Variants in RCAN2 observed in about 807,000 individuals in gnomAD.
The protein encoded by RCAN2 is regulator of calcineurin 2, also known as calcipressin-2.
RCAN2 carries 9 observed loss-of-function variants against 23.6 expected under a neutral mutation model. That is an observed-to-expected ratio of 0.38 (90% CI 0.23 to 0.67). RCAN2 has a LOEUF of 0.67. RCAN2 is among the 30% of genes least tolerant of loss of function. The probability of loss-of-function intolerance (pLI) is 0.51; values close to 1 mark genes in which losing one functional copy is unlikely to be tolerated. For missense variants in RCAN2, 273 were observed against 302.3 expected (o/e 0.90, Z 0.72); for synonymous variants, 109 against 115.7 (o/e 0.94, Z 0.37).
chr6:46,484,809 A>C (rs1317566193), intron 1 of RCAN2, among the ~76,000 whole-genome samples: 1 of 152,190 alleles, frequency 6.6e-6, no homozygotes, highest in Non-Finnish European at 1.5e-5. Context: ...ACTCATCTTC[A>C]ACTCCCTAAA....
chr6:46,465,056 C>T (rs969368275), intron 1 of RCAN2, among the ~76,000 whole-genome samples: 1 of 152,054 alleles, frequency 6.6e-6, no homozygotes, highest in African/African-American at 2.4e-5. Flanking sequence ...GGGAGGAAGA[C>T]CCTCAAATTT....
At chr6:46,315,901 A>AGTTTGGAAGAGACAAGAAAAGAG (rs57586985) in intron 2 of RCAN2, among the ~76,000 whole-genome samples, 1 of 149,834 alleles carries the variant, frequency 6.7e-6, no homozygotes, top group African/African-American at 2.5e-5. Context: ...GGTTTGGAAG[A>AGTTTGGAAGAGACAAGAAAAGAG]GTTTGGAAGA....
At chr6:46,374,264 C>T (rs1437528691) in intron 2 of RCAN2, among the ~76,000 whole-genome samples, 2 of 152,216 alleles carry the variant, frequency 1.3e-5, no homozygotes, top group Admixed American at 1.3e-4. Flanking sequence ...AGAATACTTT[C>T]TCCTGGCTTT....
chr6:46,441,043 C>T (rs536838654), intron 2 of RCAN2, among the ~76,000 whole-genome samples: 1 of 152,264 alleles, frequency 6.6e-6, no homozygotes, highest in Non-Finnish European at 1.5e-5. Context: ...TAGAAAAACA[C>T]CTGGTTATTA....
chr6:46,353,324 A>T (rs190394187), intron 2 of RCAN2, among the ~76,000 whole-genome samples: 64 of 152,252 alleles, frequency 4.2e-4, no homozygotes, highest in African/African-American at 1.4e-3. Context: ...CTGAAAACCC[A>T]GGGACAATGG....
chr6:46,267,369 C>T (rs4714911), intron 2 of RCAN2, among the ~76,000 whole-genome samples: 119,175 of 152,158 alleles, frequency 0.78, 47,002 homozygotes, highest in Non-Finnish European at 0.83. Context: ...GTAACTTTAC[C>T]TAAGTTTATC....
chr6:46,444,143 G>T (rs1389114173), intron 2 of RCAN2, among the ~76,000 whole-genome samples: 1 of 152,170 alleles, frequency 6.6e-6, no homozygotes, highest in Non-Finnish European at 1.5e-5. Flanking sequence ...TGGAGAAAAG[G>T]AAAATATGTC....
intron 2 of RCAN2, among the ~76,000 whole-genome samples, chr6:46,259,169 G>A (rs779512566): frequency 3.3e-5 from 5 of 152,114 alleles, no homozygotes; most frequent in African/African-American, 4.8e-5. Context: ...CTGGGTGACC[G>A]AGTGAGACCC....
chr6:46,307,539 T>C (rs964038938), intron 2 of RCAN2, among the ~76,000 whole-genome samples: 1 of 152,140 alleles, frequency 6.6e-6, no homozygotes, highest in Admixed American at 6.6e-5. Flanking sequence ...TGCTTTATTG[T>C]TGTCATTTAT....
intron 2 of RCAN2, among the ~76,000 whole-genome samples, chr6:46,280,076 C>T (rs1234910341): frequency 6.6e-6 from 1 of 152,102 alleles, no homozygotes; most frequent in East Asian, 1.9e-4. Flanking sequence ...GAATCCATGC[C>T]TTAGTACTCC....
chr6:46,405,541 A>G (rs2150405153), intron 2 of RCAN2, among the ~76,000 whole-genome samples: 1 of 152,320 alleles, frequency 6.6e-6, no homozygotes, highest in Admixed American at 6.5e-5. Flanking sequence ...TTCAACACAC[A>G]GGTTCTCCAA....
At chr6:46,438,347 G>A (rs1410381120) in intron 2 of RCAN2, 2 of 152,180 alleles carry the variant, frequency 1.3e-5, no homozygotes, top group African/African-American at 4.8e-5. Flanking sequence ...GGACTCAATA[G>A]GGCCACAAGG....
At chr6:46,267,748 G>A (rs1294968996) in intron 2 of RCAN2, among the ~76,000 whole-genome samples, 1 of 152,054 alleles carries the variant, frequency 6.6e-6, no homozygotes, top group Non-Finnish European at 1.5e-5. Context: ...TTTAAAACAA[G>A]AAATATTCAT....
rs575494936 is a variant in RCAN2, at chr6:46,310,981, G to C, written c.226-62085C>G. On this transcript the variant is annotated intron_variant, in intron 2 of 4. Coordinates refer to ENST00000371374, the MANE Select transcript of RCAN2 (RefSeq NM_001251974.2). ...AAGGTATTTTCAATATCAAAATTTA[G>C]AGAAGAGGCAATAATAACAATAACA... Among the ~76,000 whole-genome samples the C allele has an allele frequency of 1.1e-4, 16 of 152,260 alleles. No homozygotes were observed. In the South Asian group the frequency reaches 3.3e-3, roughly 32 times the overall value.
intron 2 of RCAN2, among the ~76,000 whole-genome samples, chr6:46,376,706 A>C (rs572841371): frequency 7.5e-4 from 74 of 98,804 alleles, no homozygotes; most frequent in African/African-American, 3.6e-3. Context: ...AAAAAACCAA[A>C]CAAACAAACA....
chr6:46,466,673 TA>T (rs1582225692), intron 1 of RCAN2, among the ~76,000 whole-genome samples: 3 of 151,998 alleles, frequency 2.0e-5, no homozygotes, highest in Non-Finnish European at 4.4e-5. Context: ...TCAAATTAAA[TA>T]AAAAACTCTT....
intron 2 of RCAN2, among the ~76,000 whole-genome samples, chr6:46,348,799 G>A (rs967618933): frequency 3.3e-5 from 5 of 152,180 alleles, no homozygotes; most frequent in Admixed American, 6.5e-5. Flanking sequence ...GTGGCATGGA[G>A]GGGAGTGATG....
At chr6:46,224,378 C>T (rs1765576824) in intron 4 of RCAN2, among the ~76,000 whole-genome samples, 1 of 152,214 alleles carries the variant, frequency 6.6e-6, no homozygotes. Flanking sequence ...TAGTGGCTCT[C>T]TAGATCTCAC....
intron 2 of RCAN2, chr6:46,325,506 G>A: frequency 6.2e-7 from 1 of 1,613,352 alleles, no homozygotes; most frequent in South Asian, 1.1e-5. Context: ...TTAATAAAGA[G>A]TTAGGCAACC....
Sources: gnomAD v4.1 joint callset for allele counts (sites outside exome capture counted in the v4.1 genomes callset) on GRCh38, gnomAD v4.1.1 for gene constraint, MANE v1.5 for transcripts, NCBI Gene and HGNC (gene_info 2026-07-23, HGNC 2026-07-21) for gene names.